GRIN3B: variants seen among roughly 807,000 people sequenced by gnomAD.
GRIN3B encodes glutamate ionotropic receptor NMDA type subunit 3B.
Under a neutral mutation model 66.0 loss-of-function variants are expected in GRIN3B, and 77 were observed. The observed-to-expected ratio is 1.17, with a 90% confidence interval of 0.97 to 1.41. GRIN3B has a LOEUF of 1.41. Ranked by LOEUF, GRIN3B falls within the 40% of genes most tolerant of loss-of-function variation. The pLI, the probability that GRIN3B is intolerant of heterozygous loss-of-function variation, is 0.00. For missense variants in GRIN3B, 1,787 were observed against 1,564.5 expected (o/e 1.14, Z -2.40); for synonymous variants, 823 against 749.7 (o/e 1.10, Z -1.60).
chr19:1,008,339 G>A (rs1427573558), intron 6 of GRIN3B, 48 bp downstream of exon 6: 1 of 1,221,118 alleles, frequency 8.2e-7, no homozygotes, highest in South Asian at 1.3e-5. Flanking sequence ...TGGGCGTGGG[G>A]GGCCCTGAGC....
chr19:1,007,495 T>A lies in GRIN3B; in HGVS notation c.2053-133T>A, dbSNP rs2038763357. ...CCTGGGGTGTGCTCTGGGCATGGAG[T>A]GGGTGGAGGCCAGGAATGCAGCCTC... On this transcript the variant is annotated intron_variant, in intron 3 of 8. Coordinates refer to ENST00000234389, the MANE Select transcript of GRIN3B (RefSeq NM_138690.3). This position sits in a 1 kb window ranked among gnomAD's most constrained non-coding sequence, Gnocchi z 4.4. 1 of 1,041,904 alleles carries A rather than the reference T, an allele frequency of 9.6e-7. No individual in the cohort carries two copies. Among genetic ancestry groups the A allele is most frequent in the Admixed American group, 4.1e-5 (1 of 24,382 alleles). The allele number at this position is 1,041,904 out of a possible 1,614,324, so 64.5% of individuals were successfully genotyped here.
chr19:1,003,577 GC>G lies in GRIN3B; in HGVS notation c.876del (p.Ile293SerfsTer64), dbSNP rs2145533122. On this transcript the variant is annotated frameshift_variant, in exon 2 of 9. Transcript: ENST00000234389. LOFTEE classifies it high-confidence loss of function. ...GEVARPPLEA[A>X]IHDIVQLVAR... is the part of the protein sequence containing the mutation. ...GGTGGCACGACCCCCGCTGGAGGCC[GC>G]CATCCATGACATTGTGCAACTGGTG... 2.0e-6 allele frequency: 3 copies of G among 1,495,024 alleles called. No homozygotes were observed. The African/African-American group carries it at 4.3e-5, about 22-fold the overall frequency. 92.6% of individuals were successfully genotyped at this position (1,495,024 alleles called of 1,614,324 possible).
Position 1,005,140 on chromosome 19 carries a change from C to G in GRIN3B, c.1639C>G (p.Pro547Ala). ...CTCACAGGTGGTGGACTTCACCAGC[C>G]CCTTCTTCTCCACCAGCCTGGGCAT... is the stretch of plus-strand genomic sequence containing the variant. ...ARSQVVDFTS[P>A]FFSTSLGIMV... Residue 547 changes from proline (P) to alanine (A), a missense_variant, in exon 3 of 9, where the codon CCC (proline) becomes GCC (alanine). Transcript: ENST00000234389. The surrounding 1 kb of genome is among the most constrained non-coding windows in gnomAD (Gnocchi z 5.2). The G allele has an allele frequency of 6.2e-7, 1 of 1,613,384 alleles. No individual in the cohort carries two copies. Among genetic ancestry groups the G allele is most frequent in the Non-Finnish European group, 8.5e-7 (1 of 1,179,956 alleles).
rs200777913 is a variant in GRIN3B, at chr19:1,003,697, G to A, written c.994G>A (p.Glu332Lys). 2.2e-3 allele frequency: 3,122 copies of A among 1,406,254 alleles called. 11 individuals carry two copies. Among genetic ancestry groups the A allele is most frequent in the Admixed American group, 2.6e-3 (79 of 30,332 alleles). The allele number at this position is 1,406,254 out of a possible 1,614,324, so 87.1% of individuals were successfully genotyped here. Residue 332 changes from glutamate (E) to lysine (K), a missense_variant, in exon 2 of 9, where the codon GAG becomes AAG. Coordinates refer to ENST00000234389, the MANE Select transcript of GRIN3B (RefSeq NM_138690.3). Reference sequence around the variant, plus strand: ...CGGGGACCTGCAGCCGGCCGGGCCCGAGTCCCCGGGGCGCTTCTTGGCACG... The same window carrying A: ...CGGGGACCTGCAGCCGGCCGGGCCCAAGTCCCCGGGGCGCTTCTTGGCACG... ...NCGDLQPAGP[E>K]SPGRFLARFL... is the part of the protein sequence containing the mutation.
rs377297092 is a variant in GRIN3B at position 1,007,016 on chromosome 19, G to A, written c.2053-612G>A. On this transcript the variant is annotated intron_variant, in intron 3 of 8. Coordinates refer to ENST00000234389, the MANE Select transcript of GRIN3B (RefSeq NM_138690.3). The surrounding 1 kb of genome is among the most constrained non-coding windows in gnomAD (Gnocchi z 4.4). The stretch of plus-strand genomic sequence containing the variant: ...GCAGCTGTGGGGAGAACAGACCACG[G>A]GTGGTGCAGGGAGGACCCCGCAGAG... Among the ~76,000 whole-genome samples, 212 of 152,314 alleles carry A rather than the reference G, an allele frequency of 1.4e-3. No homozygotes were observed. Among genetic ancestry groups the A allele is most frequent in the African/African-American group, 4.6e-3 (191 of 41,546 alleles).
Position 1,008,714 on chromosome 19 carries a change from T to C in GRIN3B, c.2563T>C (p.Phe855Leu). Residue 855 changes from phenylalanine (F) to leucine (L), a missense_variant, in exon 7 of 9, where the codon TTC becomes CTC. By Grantham distance (22) the Phe-to-Leu change is conservative. Coordinates refer to ENST00000234389, the MANE Select transcript of GRIN3B (RefSeq NM_138690.3). ...ALLSSLGEHA[F>L]FRLALPRIRK... The stretch of plus-strand genomic sequence containing the variant: ...GCTCAGCTCGCTGGGCGAGCACGCC[T>C]TCTTCCGCCTGGCGCTGCCGCGCAT... The C allele has an allele frequency of 6.2e-7, 1 of 1,608,866 alleles. No individual in the cohort carries two copies. The highest frequency in any genetic ancestry group is 2.2e-5 in the East Asian group (1 of 44,836).
Position 1,007,993 on chromosome 19 carries a change from C to T in GRIN3B, c.2314+22C>T, listed in dbSNP as rs559824200. The T allele has an allele frequency of 1.9e-6, 3 of 1,605,328 alleles. No homozygotes were observed. The highest frequency in any genetic ancestry group is 1.7e-6 in the Non-Finnish European group (2 of 1,173,956). ...GAGGGTGAGAGGCACCTGGGCGAGG[C>T]GGGGCGCCGGGGTCTCTGGGGACCT... is the stretch of plus-strand genomic sequence containing the variant. On this transcript the variant is annotated intron_variant, in intron 5 of 8. Transcript: ENST00000234389. The surrounding 1 kb of genome is among the most constrained non-coding windows in gnomAD (Gnocchi z 4.4).
Position 1,006,094 on chromosome 19 carries a change from C to A in GRIN3B, c.2052+541C>A, listed in dbSNP as rs145578749. Among the ~76,000 whole-genome samples, 58 of 152,338 alleles carry A rather than the reference C, an allele frequency of 3.8e-4. No individual in the cohort carries two copies. In the East Asian group the frequency reaches 4.8e-3, roughly 13 times the overall value. On this transcript the variant is annotated intron_variant, in intron 3 of 8. Transcript: ENST00000234389. ...CAAACGCCGGGGCTCAAGCAGTTCT[C>A]CCACCTTGGCCTCCCAAAGTGCTGG...
rs761737323 is a variant in GRIN3B at position 1,005,110 on chromosome 19, G to A, written c.1609G>A (p.Ala537Thr). 7 of 1,612,978 alleles carry A rather than the reference G, an allele frequency of 4.3e-6. No homozygotes were observed. The highest frequency in any genetic ancestry group is 1.7e-5 in the Admixed American group (1 of 60,010). ...GGTCACCAGCTTCAGTATCAACTCC[G>A]CCCGCTCACAGGTGGTGGACTTCAC... is the stretch of plus-strand genomic sequence containing the variant. ...MAVTSFSINS[A>T]RSQVVDFTSP... The change falls in exon 3 of 9, where the codon GCC (alanine) becomes ACC (threonine). Residue 537 changes from alanine to threonine, a missense_variant. Transcript: ENST00000234389. This position sits in a 1 kb window ranked among gnomAD's most constrained non-coding sequence, Gnocchi z 5.2.
Position 1,005,527 on chromosome 19 carries a change from G to A in GRIN3B, c.2026G>A (p.Glu676Lys). Residue 676 changes from glutamate (E) to lysine (K), a missense_variant, in exon 3 of 9, where the codon GAG (glutamate) becomes AAG (lysine). Glu to Lys is a moderately conservative substitution (Grantham distance 56, BLOSUM62 1). Coordinates refer to ENST00000234389, the MANE Select transcript of GRIN3B (RefSeq NM_138690.3). The surrounding 1 kb of genome is among the most constrained non-coding windows in gnomAD (Gnocchi z 5.2). ...CATGGTCGGGGACAAGACCTTCGAG[G>A]AGCTGTCGGGGATCCACGACCCCAA... The part of the protein sequence containing the change: ...AVMVGDKTFE[E>K]LSGIHDPKLH... The A allele has an allele frequency of 6.2e-7, 1 of 1,608,934 alleles. No individual in the cohort carries two copies. Among genetic ancestry groups the A allele is most frequent in the East Asian group, 2.2e-5 (1 of 44,748 alleles).
intron 5 of GRIN3B, 60 bp downstream of exon 5, chr19:1,008,031 G>T: frequency 6.3e-7 from 1 of 1,586,478 alleles, no homozygotes; most frequent in Middle Eastern, 1.7e-4. Flanking sequence ...TGGGGGCAGT[G>T]GGGAGCCACG....
At position 1,008,838 on chromosome 19, in the gene GRIN3B, G is replaced by A; in HGVS notation, c.2632-19G>A. 6.2e-7 allele frequency: 1 copy of A among 1,600,640 alleles called. No homozygotes were observed. The highest frequency in any genetic ancestry group is 8.5e-7 in the Non-Finnish European group (1 of 1,174,078). On this transcript the variant is annotated intron_variant, in intron 7 of 8. Coordinates refer to ENST00000234389, the MANE Select transcript of GRIN3B (RefSeq NM_138690.3). The stretch of plus-strand genomic sequence containing the variant: ...ACCCCCCCCGCCTCCTCGCCAACCG[G>A]GTCTGTCTGGGGTCTTAGAAAATCC...
intron 3 of GRIN3B, among the ~76,000 whole-genome samples, chr19:1,006,302 C>T (rs940707402): frequency 6.6e-6 from 1 of 151,646 alleles, no homozygotes; most frequent in Admixed American, 6.6e-5. Flanking sequence ...GTGTGCACCA[C>T]CAAGCCTGGC....
chr19:1,003,859 A>G, intron 2 of GRIN3B, 137 bp downstream of exon 2: 1 of 622,930 alleles, frequency 1.6e-6, no homozygotes, highest in South Asian at 3.4e-5. Context: ...GGCCGAGGCG[A>G]GCGGATCACT....
intron 2 of GRIN3B, among the ~76,000 whole-genome samples, 162 bp from the exon 3 acceptor site, chr19:1,004,359 G>A (rs8110879): frequency 0.32 from 49,120 of 152,040 alleles, 8,082 homozygotes; most frequent in Middle Eastern, 0.37. Flanking sequence ...GGATCAAGGG[G>A]TTAGGCTTGG....
chr19:1,004,566 G>C lies in GRIN3B; in HGVS notation c.1065G>C (p.Trp355Cys), dbSNP rs545162012. 2 of 1,609,754 alleles carry C rather than the reference G, an allele frequency of 1.2e-6. No homozygotes were observed. The highest frequency in any genetic ancestry group is 1.7e-5 in the Admixed American group (1 of 59,730). Residue 355 changes from tryptophan to cysteine, a missense_variant, in exon 3 of 9, where the codon TGG becomes TGC. Transcript: ENST00000234389. Reference protein sequence around the residue: ...TSFQGRTGPVWVTGSSQVHMS... With the variant: ...TSFQGRTGPVCVTGSSQVHMS... The stretch of plus-strand genomic sequence containing the variant: ...TCCAGGGCCGCACGGGCCCCGTGTG[G>C]GTGACAGGCAGCTCCCAGGTACACA...
rs753149188 is a variant in GRIN3B at position 1,004,849 on chromosome 19, A to C, written c.1348A>C (p.Thr450Pro). 5.0e-6 allele frequency: 8 copies of C among 1,611,890 alleles called. No homozygotes were observed. ...GGGGCAGCTGTGCCTGGACCCTGGC[A>C]CCAACGACTCGGCCACCCTGGACGC... The part of the protein sequence containing the change: ...PAGQLCLDPG[T>P]NDSATLDALF... Residue 450 changes from threonine (T) to proline (P), a missense_variant, in exon 3 of 9, where the codon ACC (threonine) becomes CCC (proline). Transcript: ENST00000234389.
rs369027881 is a variant in GRIN3B, at chr19:1,004,980, C to T, written c.1479C>T (p.Phe493=). 3.4e-5 allele frequency: 54 copies of T among 1,611,672 alleles called. No homozygotes were observed. Among genetic ancestry groups the T allele is most frequent in the Admixed American group, 1.5e-4 (9 of 59,972 alleles). Residue 493 remains phenylalanine, a synonymous_variant, in exon 3 of 9, where the codon TTC becomes TTT. Coordinates refer to ENST00000234389, the MANE Select transcript of GRIN3B (RefSeq NM_138690.3). ...AGCGGCTGGCGGAGGACACGCCCTTCGACTTCGAGCTGTACCTCGTGGGTG... is the reference window on the plus strand; with the variant it reads ...AGCGGCTGGCGGAGGACACGCCCTTTGACTTCGAGCTGTACCTCGTGGGTG... ...LLERLAEDTP[F]DFELYLVGDG...
At chr19:1,006,781 G>C (rs1442006964) in intron 3 of GRIN3B, among the ~76,000 whole-genome samples, 1 of 152,198 alleles carries the variant, frequency 6.6e-6, no homozygotes, top group Non-Finnish European at 1.5e-5. Context: ...ACTGCTGCCG[G>C]CGGCTCTTCC....
Sources: gnomAD v4.1 joint callset for allele counts (sites outside exome capture counted in the v4.1 genomes callset) on GRCh38, gnomAD v4.1.1 for gene constraint, Gnocchi (gnomAD v3.1) non-coding constraint, MANE v1.5 for transcripts, NCBI Gene and HGNC (gene_info 2026-07-23, HGNC 2026-07-21) for gene names.